Variants in FHAD1 observed in about 807,000 individuals in gnomAD.
FHAD1 encodes the protein forkhead associated phosphopeptide binding domain 1, also known as forkhead-associated domain-containing protein 1.
In FHAD1, 146 loss-of-function variants were observed where a neutral mutation model predicts 191.3. That is an observed-to-expected ratio of 0.76 (90% CI 0.67 to 0.88). The LOEUF is 0.88. Ranked by LOEUF, FHAD1 falls within the 40% of genes least tolerant of loss-of-function variation. FHAD1 has a pLI of 0.00. For missense variants in FHAD1, 1,635 were observed against 1,785.8 expected (o/e 0.92, Z 1.52); for synonymous variants, 616 against 672.3 (o/e 0.92, Z 1.29).
intron 6 of FHAD1, among the ~76,000 whole-genome samples, chr1:15,301,919 T>C (rs7550727): frequency 0.18 from 27,155 of 152,070 alleles, 4,918 homozygotes; most frequent in African/African-American, 0.47. Flanking sequence ...CCCAACTACT[T>C]GGGAGGCCGA....
chr1:15,401,032 C>T (rs1351671928), downstream of FHAD1, among the ~76,000 whole-genome samples: 1 of 152,210 alleles, frequency 6.6e-6, no homozygotes, highest in East Asian at 1.9e-4. Context: ...CAATGACTTT[C>T]TGATTCCCAG....
intron 3 of FHAD1, among the ~76,000 whole-genome samples, chr1:15,281,833 GT>G (rs1370428598): frequency 2.0e-5 from 3 of 151,416 alleles, no homozygotes; most frequent in Non-Finnish European, 4.4e-5. Context: ...CCACCTCCTG[GT>G]TGGGGATTAC....
chr1:15,302,893 A>G (rs993829924), intron 6 of FHAD1, among the ~76,000 whole-genome samples: 4 of 152,192 alleles, frequency 2.6e-5, no homozygotes, highest in Non-Finnish European at 4.4e-5. Flanking sequence ...TACCCAGTTC[A>G]GGGTGCACAG....
Position 15,349,062 on chromosome 1 carries a change from C to G in FHAD1, c.2367C>G (p.Ala789=), listed in dbSNP as rs554147005. Residue 789 remains alanine (A), a synonymous_variant, in exon 19 of 34, where the codon GCC becomes GCG. Coordinates refer to ENST00000688493, the MANE Select transcript of FHAD1 (RefSeq NM_001391957.1). ...RQKEVLESSI[A]HEKRKAKEAL... is the part of the protein sequence containing the mutation. ...TTCAGGTTTTGGAGAGCAGCATAGC[C>G]CATGAAAAAAGAAAAGCAAAGGAAG... 1.3e-6 allele frequency: 2 copies of G among 1,550,952 alleles called. No individual in the cohort carries two copies. The highest frequency in any genetic ancestry group is 1.4e-5 in the African/African-American group (1 of 72,882).
upstream of FHAD1, among the ~76,000 whole-genome samples, chr1:15,246,478 G>A (rs80175433): frequency 1.2e-5 from 1 of 82,854 alleles, no homozygotes; most frequent in East Asian, 2.1e-4. Context: ...TTTCCTGCTG[G>A]AGATAGTGGC....
intron 4 of FHAD1, 131 bp from the exon 5 acceptor site, chr1:15,296,553 T>C (rs979228473): frequency 1.1e-5 from 10 of 947,056 alleles, no homozygotes; most frequent in African/African-American, 9.8e-5. Flanking sequence ...GCGCCCGGCC[T>C]TTAATTTTTA....
At chr1:15,238,250 G>GAAAAAAAAA (rs35058576) in intron 1 of FHAD1, among the ~76,000 whole-genome samples, 1 of 96,902 alleles carries the variant, frequency 1.0e-5, no homozygotes, top group African/African-American at 4.0e-5. Flanking sequence ...CCATCTCAAG[G>GAAAAAAAAA]AAAAAAAAAA....
At chr1:15,328,662 A>C (rs1679908674) in intron 13 of FHAD1, 2 of 382,618 alleles carry the variant, frequency 5.2e-6, no homozygotes, top group Non-Finnish European at 9.3e-6. Flanking sequence ...ATCTTCAATT[A>C]CTGACTTTGA....
intron 22 of FHAD1, among the ~76,000 whole-genome samples, chr1:15,361,238 C>T (rs1482551715): frequency 6.6e-6 from 1 of 152,172 alleles, no homozygotes; most frequent in Non-Finnish European, 1.5e-5. Context: ...AGGACTCAGG[C>T]CAGGGTATCC....
In FHAD1 at chr1:15,345,113, A is replaced by C; in HGVS notation, c.2161A>C (p.Asn721His). 6.4e-7 allele frequency: 1 copy of C among 1,551,840 alleles called. No individual in the cohort carries two copies. The highest frequency in any genetic ancestry group is 1.4e-5 in the African/African-American group (1 of 73,096). Reference protein sequence around the residue: ...ALEEYITQERNRAKETLEEER... With the variant: ...ALEEYITQERHRAKETLEEER... ...GGAGGAGTACATTACTCAAGAGAGAAACAGAGCGAAAGAGACTTTAGAGGA... is the reference window on the plus strand; with the variant it reads ...GGAGGAGTACATTACTCAAGAGAGACACAGAGCGAAAGAGACTTTAGAGGA... The change falls in exon 17 of 34, where the codon AAC becomes CAC. Residue 721 changes from asparagine to histidine, a missense_variant. Physicochemically the swap from Asn to His is moderately conservative, Grantham distance 68. Coordinates refer to ENST00000688493, the MANE Select transcript of FHAD1 (RefSeq NM_001391957.1).
At chr1:15,317,962 T>TG in intron 10 of FHAD1, 34 bp downstream of exon 10, 1 of 1,380,560 alleles carries the variant, frequency 7.2e-7, no homozygotes, top group Non-Finnish European at 1.0e-6. Flanking sequence ...GAGAGTGGTG[T>TG]GGGCGGTAGC....
Position 15,381,531 on chromosome 1 carries a change from C to G in FHAD1, c.4022+80C>G. On this transcript the variant is annotated intron_variant, in intron 30 of 33. Coordinates refer to ENST00000688493, the MANE Select transcript of FHAD1 (RefSeq NM_001391957.1). This position sits in a 1 kb window ranked among gnomAD's most constrained non-coding sequence, Gnocchi z 4.6. ...CTAAACTCAGGCTAGCAGCAGACCTCTAGGCCTGGGACAGGAGGACAGAGA... is the reference window on the plus strand; with the variant it reads ...CTAAACTCAGGCTAGCAGCAGACCTGTAGGCCTGGGACAGGAGGACAGAGA... 8.8e-7 allele frequency: 1 copy of G among 1,130,158 alleles called. No homozygotes were observed. Among genetic ancestry groups the G allele is most frequent in the South Asian group, 1.4e-5 (1 of 71,354 alleles). The allele number at this position is 1,130,158 out of a possible 1,614,324, so 70.0% of individuals were successfully genotyped here. A position where few individuals can be genotyped will look rare whatever the true frequency, so the allele number is the denominator to read the frequency against.
rs1204535749 is a variant in FHAD1, at chr1:15,324,551, G to A, written c.1465G>A (p.Val489Ile). Reference sequence around the variant, plus strand: ...CATTAAAATCAATTTGGAGAGGGCAGTAGGTCAGGTAGGCATGTTCCAGAG... The same window carrying A: ...CATTAAAATCAATTTGGAGAGGGCAATAGGTCAGGTAGGCATGTTCCAGAG... ...SVIKINLERA[V>I]GQLEHFRSQV... Residue 489 changes from valine (V) to isoleucine (I), a missense_variant, in exon 11 of 34, where the codon GTA becomes ATA. Val to Ile is a conservative substitution (Grantham distance 29, BLOSUM62 3). Transcript: ENST00000688493. 1.9e-6 allele frequency: 3 copies of A among 1,549,594 alleles called. No homozygotes were observed. The highest frequency in any genetic ancestry group is 1.7e-6 in the Non-Finnish European group (2 of 1,145,050).
At chr1:15,323,772 C>A (rs917301066) in intron 10 of FHAD1, among the ~76,000 whole-genome samples, 1 of 152,162 alleles carries the variant, frequency 6.6e-6, no homozygotes. Context: ...GCCCATTACT[C>A]GAGCAAGCGG....
At chr1:15,345,755 CAGAG>C (rs760498402) in intron 18 of FHAD1, 1 of 564,224 alleles carries the variant, frequency 1.8e-6, no homozygotes, top group Non-Finnish European at 3.2e-6. Context: ...AAAACACAGT[CAGAG>C]AGAGAGAGCG....
chr1:15,391,302 G>T (rs1557461493), intron 33 of FHAD1, 39 bp downstream of exon 33: 2 of 1,249,654 alleles, frequency 1.6e-6, no homozygotes, highest in Non-Finnish European at 1.0e-6. Context: ...CTCTTTTTTT[G>T]TTGTTTTGTT....
chr1:15,402,204 A>G (rs1288608741), downstream of FHAD1, among the ~76,000 whole-genome samples: 1 of 152,190 alleles, frequency 6.6e-6, no homozygotes, highest in Non-Finnish European at 1.5e-5. Context: ...CTCTGATGCT[A>G]CCGTGTTAGT....
intron 6 of FHAD1, among the ~76,000 whole-genome samples, chr1:15,302,097 G>A (rs1317246894): frequency 1.3e-5 from 2 of 152,290 alleles, no homozygotes; most frequent in East Asian, 1.9e-4. Flanking sequence ...GTGAGAGGTG[G>A]CAGTGCAATT....
rs35548294 is a variant in FHAD1 at position 15,294,392 on chromosome 1, C to T, written c.569-2292C>T. ...GGCCAGATAATTGTTTGTTGTGGGG[C>T]TGTCCCGTGCATTGTTTTTGAGACA... On this transcript the variant is annotated intron_variant, in intron 4 of 33. Coordinates refer to ENST00000688493, the MANE Select transcript of FHAD1 (RefSeq NM_001391957.1). Among the ~76,000 whole-genome samples, 834 of 152,218 alleles carry T rather than the reference C, an allele frequency of 5.5e-3. 3 individuals are homozygous for T. The highest frequency in any genetic ancestry group is 8.2e-3 in the Non-Finnish European group (556 of 68,002).
Sources: gnomAD v4.1 joint callset for allele counts (sites outside exome capture counted in the v4.1 genomes callset) on GRCh38, gnomAD v4.1.1 for gene constraint, Gnocchi (gnomAD v3.1) non-coding constraint, MANE v1.5 for transcripts, NCBI Gene and HGNC (gene_info 2026-07-23, HGNC 2026-07-21) for gene names.